GPR35: variants seen among roughly 807,000 people sequenced by gnomAD.
The protein encoded by GPR35 is G protein-coupled receptor 35.
For missense variants in GPR35, 372 were observed against 422.5 expected (o/e 0.88, Z 1.05); for synonymous variants, 207 against 198.4 (o/e 1.04, Z -0.36).
At position 240,630,688 on chromosome 2, in the gene GPR35, A is replaced by T. The variant is rs1167961040; in HGVS notation, c.736A>T (p.Asn246Tyr). The change falls in exon 2 of 2, where the codon AAC (asparagine) becomes TAC (tyrosine). Residue 246 changes from asparagine (N) to tyrosine (Y), a missense_variant. Coordinates refer to ENST00000407714, the MANE Select transcript of GPR35 (RefSeq NM_005301.5). ...GACAGTGCGCCTCGCAGTGGGCTGG[A>T]ACGCCTGTGCCCTCCTGGAGACGAT... ...GLTVRLAVGW[N>Y]ACALLETIRR... 1 of 1,613,384 alleles carries T rather than the reference A, an allele frequency of 6.2e-7. No individual in the cohort carries two copies.
At chr2:240,607,966 A>G (rs1014999962) in intron 2 of GPR35, among the ~76,000 whole-genome samples, 2 of 151,954 alleles carry the variant, frequency 1.3e-5, no homozygotes, top group Non-Finnish European at 2.9e-5. Context: ...ATCTTAACTC[A>G]CTGTAGTCTC....
At chr2:240,612,594 G>A (rs573145221) in intron 2 of GPR35, among the ~76,000 whole-genome samples, 1 of 152,294 alleles carries the variant, frequency 6.6e-6, no homozygotes, top group South Asian at 2.1e-4. Flanking sequence ...TGACCATGGT[G>A]GGATCCAGAT....
chr2:240,625,331 C>A (rs2043356245), upstream of GPR35: 1 of 985,538 alleles, frequency 1.0e-6, no homozygotes, highest in South Asian at 4.7e-5. Flanking sequence ...TCCCAGAAAT[C>A]CCCCACGCCC....
At chr2:240,620,296 A>C (rs1242397275) in intron 5 of GPR35, among the ~76,000 whole-genome samples, 1 of 152,064 alleles carries the variant, frequency 6.6e-6, no homozygotes, top group African/African-American at 2.4e-5. Flanking sequence ...TTTGGTGGCC[A>C]GGGCTGGGAT....
At chr2:240,618,979 C>T (rs1159986495) in exon 5 of GPR35, 3 of 702,896 alleles carry the variant, frequency 4.3e-6, no homozygotes, top group East Asian at 2.7e-5. Flanking sequence ...CACTCCACAC[C>T]GTGGCAGTGA....
exon 5 of GPR35, chr2:240,618,956 C>T (rs1299167314): frequency 1.4e-6 from 1 of 702,624 alleles, no homozygotes; most frequent in Non-Finnish European, 2.6e-6. Flanking sequence ...CTGAGTGGTT[C>T]CCGGGCTGTC....
chr2:240,615,864 G>A lies in GPR35; in HGVS notation c.-576-524G>A, dbSNP rs574724423. ...CTACCACAATGGAGTTTTGCAGCAG[G>A]GAAGGGAGATGAGGCTCAATTCCCA... On this transcript the variant is annotated intron_variant, in intron 2 of 5. Coordinates refer to the GPR35 transcript ENST00000319838. Among the ~76,000 whole-genome samples, 10 of 152,310 alleles carry A rather than the reference G, an allele frequency of 6.6e-5. No individual in the cohort carries two copies. The South Asian group carries it at 2.1e-3, about 32-fold the overall frequency.
At chr2:240,623,752 T>C (rs2975779), upstream of GPR35, among the ~76,000 whole-genome samples, 31,594 of 151,990 alleles carry the variant, frequency 0.21, 4,042 homozygotes, top group East Asian at 0.39. Flanking sequence ...TGGAACCTGG[T>C]GGCAAGGGGC....
upstream of GPR35, among the ~76,000 whole-genome samples, chr2:240,621,299 G>A (rs1330003968): frequency 6.6e-6 from 1 of 152,216 alleles, no homozygotes; most frequent in Non-Finnish European, 1.5e-5. Flanking sequence ...CTATCGCCCA[G>A]GCTGGAGTGC....
chr2:240,630,227 C>T lies in GPR35; in HGVS notation c.275C>T (p.Ser92Phe), dbSNP rs1289052148. The change falls in exon 2 of 2, where the codon TCC becomes TTC. Residue 92 changes from serine (S) to phenylalanine (F), a missense_variant. Coordinates refer to ENST00000407714, the MANE Select transcript of GPR35 (RefSeq NM_005301.5). ...DTSDTPLCQL[S>F]QGIYLTNRYM... ...TCAGACACGCCGCTGTGCCAGCTCT[C>T]CCAGGGCATCTACCTGACCAACAGG... 1 of 1,567,484 alleles carries T rather than the reference C, an allele frequency of 6.4e-7. No homozygotes were observed. The highest frequency in any genetic ancestry group is 2.3e-5 in the East Asian group (1 of 44,326).
chr2:240,606,020 G>A (rs2043131671), intron 1 of GPR35, among the ~76,000 whole-genome samples: 1 of 152,140 alleles, frequency 6.6e-6, no homozygotes, highest in East Asian at 1.9e-4. Flanking sequence ...TCAGACCATG[G>A]CTGCAGGGCT....
At chr2:240,622,633 T>C (rs973350716), upstream of GPR35, among the ~76,000 whole-genome samples, 1 of 152,266 alleles carries the variant, frequency 6.6e-6, no homozygotes, top group Admixed American at 6.5e-5. Flanking sequence ...ACAAGCTTGC[T>C]GCAGAGGCTC....
exon 5 of GPR35, chr2:240,618,968 C>A (rs531433323): frequency 8.5e-6 from 6 of 702,824 alleles, no homozygotes; most frequent in Non-Finnish European, 1.6e-5. Context: ...CGGGCTGTCC[C>A]CACTCCACAC....
rs551834113 is a variant in GPR35 at position 240,618,122 on chromosome 2, A to G, written c.-149+729A>G. ...GTACAAATGGATACTTTCTATTTAA[A>G]TTCGGATTTACATAGTTTTTACTTA... On this transcript the variant is annotated intron_variant, in intron 4 of 5. Coordinates refer to the GPR35 transcript ENST00000319838. Among the ~76,000 whole-genome samples the G allele has an allele frequency of 2.6e-5, 4 of 152,316 alleles. No homozygotes were observed. In the South Asian group the frequency reaches 6.2e-4, roughly 24 times the overall value.
chr2:240,610,801 A>AT lies in GPR35; in HGVS notation c.-577+4203dup, dbSNP rs554784905. Among the ~76,000 whole-genome samples the AT allele has an allele frequency of 6.6e-4, 91 of 137,076 alleles. 1 individual carries two copies. Among genetic ancestry groups the AT allele is most frequent in the East Asian group, 1.5e-3 (7 of 4,724 alleles). 89.9% of individuals were successfully genotyped at this position (137,076 alleles called of 152,430 possible). On this transcript the variant is annotated intron_variant, in intron 2 of 5. Coordinates refer to the GPR35 transcript ENST00000319838. ...AGGCGCCCGCCACCACGCCCGGCTA[A>AT]TTTTTTTTTTTTTTAGTAGAGATGG...
intron 2 of GPR35, among the ~76,000 whole-genome samples, chr2:240,611,130 T>C (rs1208511587): frequency 6.6e-6 from 1 of 151,968 alleles, no homozygotes; most frequent in Admixed American, 6.6e-5. Context: ...TTGTTTTTGT[T>C]TTTTTTCGGT....
At chr2:240,606,974 G>A (rs2043141116) in intron 2 of GPR35, among the ~76,000 whole-genome samples, 1 of 152,170 alleles carries the variant, frequency 6.6e-6, no homozygotes, top group African/African-American at 2.4e-5. Flanking sequence ...AAAAGTTGTT[G>A]CAGACATTAA....
At chr2:240,606,024 C>T (rs1183140483) in intron 1 of GPR35, among the ~76,000 whole-genome samples, 1 of 152,156 alleles carries the variant, frequency 6.6e-6, no homozygotes, top group Non-Finnish European at 1.5e-5. Context: ...ACCATGGCTG[C>T]AGGGCTCTGG....
intron 1 of GPR35, chr2:240,627,738 G>T (rs1041244030): frequency 2.9e-5 from 4 of 139,574 alleles, no homozygotes; most frequent in Non-Finnish European, 6.1e-5. Context: ...GCCTCCCAAA[G>T]TGTTGGGATT....
Sources: gnomAD v4.1 joint callset for allele counts (sites outside exome capture counted in the v4.1 genomes callset) on GRCh38, gnomAD v4.1.1 for gene constraint, MANE v1.5 for transcripts, NCBI Gene and HGNC (gene_info 2026-07-23, HGNC 2026-07-21) for gene names.